MAPK8IP1: variants seen among roughly 807,000 people sequenced by gnomAD.
MAPK8IP1 encodes mitogen-activated protein kinase 8 interacting protein 1, also known as C-Jun-amino-terminal kinase-interacting protein 1.
In MAPK8IP1, 17 loss-of-function variants were observed where a neutral mutation model predicts 72.6. The observed-to-expected ratio is 0.23, with a 90% confidence interval of 0.16 to 0.35. MAPK8IP1 has a LOEUF of 0.35. MAPK8IP1 is among the 10% of genes least tolerant of loss of function. The probability of loss-of-function intolerance (pLI) is 1.00; values close to 1 mark genes in which losing one functional copy is unlikely to be tolerated. For missense variants in MAPK8IP1, 789 were observed against 1,009.7 expected (o/e 0.78, Z 2.96); for synonymous variants, 401 against 443.4 (o/e 0.90, Z 1.20).
chr11:45,903,214 G>C lies in MAPK8IP1; in HGVS notation c.1417+30G>C. On this transcript the variant is annotated intron_variant, in intron 5 of 11. Transcript: ENST00000241014. The surrounding 1 kb of genome is among the most constrained non-coding windows in gnomAD (Gnocchi z 6.4). ...GTCAGCAAGGGGAAGCAGTGGGGTG[G>C]GGGGGTCCCTAGCGGGGGCAGAGCC... 1 of 1,591,518 alleles carries C rather than the reference G, an allele frequency of 6.3e-7. No homozygotes were observed. Among genetic ancestry groups the C allele is most frequent in the Non-Finnish European group, 8.5e-7 (1 of 1,171,208 alleles).
chr11:45,888,292 G>A (rs938771071), intron 1 of MAPK8IP1, among the ~76,000 whole-genome samples: 10 of 152,198 alleles, frequency 6.6e-5, no homozygotes, highest in Non-Finnish European at 5.9e-5. Flanking sequence ...AGTGGTAAGC[G>A]CTGACATTTG....
In MAPK8IP1 at chr11:45,900,560, A is replaced by G; in HGVS notation, c.522+108A>G. ...GCACCCACGGGTCCAGTGCCTGGGG[A>G]CAGCGCCTGCATAGGGGCCGCGGTG... is the stretch of plus-strand genomic sequence containing the variant. On this transcript the variant is annotated intron_variant, in intron 3 of 11. Transcript: ENST00000241014. This position sits in a 1 kb window ranked among gnomAD's most constrained non-coding sequence, Gnocchi z 6.5. 7.6e-7 allele frequency: 1 copy of G among 1,318,400 alleles called. No homozygotes were observed. Among genetic ancestry groups the G allele is most frequent in the Non-Finnish European group, 1.0e-6 (1 of 976,310 alleles). The allele number at this position is 1,318,400 out of a possible 1,614,324, so 81.7% of individuals were successfully genotyped here.
intron 1 of MAPK8IP1, among the ~76,000 whole-genome samples, chr11:45,886,374 C>A (rs1019316359): frequency 6.6e-6 from 1 of 152,214 alleles, no homozygotes; most frequent in Non-Finnish European, 1.5e-5. Context: ...TGTTTGAGCC[C>A]CTCCCCGAGC....
chr11:45,885,936 C>A lies in MAPK8IP1; in HGVS notation c.101+15C>A. ...CCCAATTTCAGGTGAGAGTCCCCGG[C>A]CGCCGCGCGCCTCGCCCTTCAGCGG... On this transcript the variant is annotated intron_variant, in intron 1 of 11. Coordinates refer to ENST00000241014, the MANE Select transcript of MAPK8IP1 (RefSeq NM_005456.4). 1 of 1,456,514 alleles carries A rather than the reference C, an allele frequency of 6.9e-7. No individual in the cohort carries two copies. 90.2% of individuals were successfully genotyped at this position (1,456,514 alleles called of 1,614,324 possible).
At position 45,900,573 on chromosome 11, in the gene MAPK8IP1, A is replaced by C. The variant is rs1316926357; in HGVS notation, c.522+121A>C. 8.4e-7 allele frequency: 1 copy of C among 1,188,508 alleles called. No homozygotes were observed. The highest frequency in any genetic ancestry group is 2.9e-5 in the East Asian group (1 of 34,090). The allele number at this position is 1,188,508 out of a possible 1,614,324, so 73.6% of individuals were successfully genotyped here. On this transcript the variant is annotated intron_variant, in intron 3 of 11. Transcript: ENST00000241014. The surrounding 1 kb of genome is among the most constrained non-coding windows in gnomAD (Gnocchi z 6.5). Reference sequence around the variant, plus strand: ...CAGTGCCTGGGGACAGCGCCTGCATAGGGGCCGCGGTGGCTCGCTCCCGGT... The same window carrying C: ...CAGTGCCTGGGGACAGCGCCTGCATCGGGGCCGCGGTGGCTCGCTCCCGGT...
In MAPK8IP1 at chr11:45,902,223, A is replaced by T; in HGVS notation, c.605-149A>T. ...AGGGGCTGAGATCAGTGGTGGCATG[A>T]GTGAGTTGACTGGCCCCAGAGCCTG... On this transcript the variant is annotated intron_variant, in intron 4 of 11. Transcript: ENST00000241014. The surrounding 1 kb of genome is among the most constrained non-coding windows in gnomAD (Gnocchi z 9.3). 1 of 955,660 alleles carries T rather than the reference A, an allele frequency of 1.0e-6. No homozygotes were observed. The highest frequency in any genetic ancestry group is 1.7e-6 in the Non-Finnish European group (1 of 595,946). The allele number at this position is 955,660 out of a possible 1,614,324, so 59.2% of individuals were successfully genotyped here. A position where few individuals can be genotyped will look rare whatever the true frequency, so the allele number is the denominator to read the frequency against.
chr11:45,900,514 G>A lies in MAPK8IP1; in HGVS notation c.522+62G>A. ...CCGCGGAGATGTGAGGGGGAGCGCA[G>A]AGGGGCTGCAGCGGGAAGGGGCACC... On this transcript the variant is annotated intron_variant, in intron 3 of 11. Transcript: ENST00000241014. The surrounding 1 kb of genome is among the most constrained non-coding windows in gnomAD (Gnocchi z 6.5). 2 of 1,512,262 alleles carry A rather than the reference G, an allele frequency of 1.3e-6. No homozygotes were observed. The highest frequency in any genetic ancestry group is 2.4e-5 in the South Asian group (2 of 82,190). 93.7% of individuals were successfully genotyped at this position (1,512,262 alleles called of 1,614,324 possible).
At chr11:45,888,390 G>A (rs781503096) in intron 1 of MAPK8IP1, among the ~76,000 whole-genome samples, 38 of 152,192 alleles carry the variant, frequency 2.5e-4, no homozygotes, top group African/African-American at 8.2e-4. Flanking sequence ...TCAACAGAGC[G>A]TTGTTATTAT....
rs138879867 is a variant in MAPK8IP1, at chr11:45,904,149, G to A, written c.1654G>A (p.Glu552Lys). The A allele has an allele frequency of 2.3e-5, 37 of 1,613,806 alleles. 1 individual carries two copies. The highest frequency in any genetic ancestry group is 6.6e-5 in the South Asian group (6 of 91,068). ...CGCCATCGAGGTCACCAAGGAGCCC[G>A]AGCACATGGCAGGTAGTGTTCCCTC... is the stretch of plus-strand genomic sequence containing the variant. Reference protein sequence around the residue: ...YYAIEVTKEPEHMAALAKNSD... With the variant: ...YYAIEVTKEPKHMAALAKNSD... Residue 552 changes from glutamate to lysine, a missense_variant, in exon 7 of 12, where the codon GAG (glutamate) becomes AAG (lysine). Physicochemically the swap from Glu to Lys is moderately conservative, Grantham distance 56. Transcript: ENST00000241014. The surrounding 1 kb of genome is among the most constrained non-coding windows in gnomAD (Gnocchi z 6.4).
intron 1 of MAPK8IP1, among the ~76,000 whole-genome samples, chr11:45,893,375 G>T (rs564780582): frequency 6.6e-6 from 1 of 152,288 alleles, no homozygotes; most frequent in South Asian, 2.1e-4. Context: ...TGCAGCTCAG[G>T]GTGGGGTGGG....
In MAPK8IP1 at chr11:45,902,154, A is replaced by G. The variant is rs1241761413; in HGVS notation, c.604+93A>G. ...AAACCCTACAGTCTCCAAAGGGCTG[A>G]GTAGAGGTGAACTGCCCACCCACAT... is the stretch of plus-strand genomic sequence containing the variant. On this transcript the variant is annotated intron_variant, in intron 4 of 11. Coordinates refer to ENST00000241014, the MANE Select transcript of MAPK8IP1 (RefSeq NM_005456.4). The surrounding 1 kb of genome is among the most constrained non-coding windows in gnomAD (Gnocchi z 9.3). The G allele has an allele frequency of 8.2e-7, 1 of 1,218,910 alleles. No individual in the cohort carries two copies. The highest frequency in any genetic ancestry group is 1.2e-6 in the Non-Finnish European group (1 of 819,962). The allele number at this position is 1,218,910 out of a possible 1,614,324, so 75.5% of individuals were successfully genotyped here.
At chr11:45,891,139 G>A (rs1267740493) in intron 1 of MAPK8IP1, among the ~76,000 whole-genome samples, 2 of 152,230 alleles carry the variant, frequency 1.3e-5, no homozygotes, top group Non-Finnish European at 2.9e-5. Context: ...GCTCGCTGAT[G>A]GCAGAGCTTT....
chr11:45,902,982 C>T lies in MAPK8IP1; in HGVS notation c.1215C>T (p.Asp405=), dbSNP rs774288159. ...SLRPCFGDYS[D]ESDSATVYDN... ...GGCCGTGCTTCGGAGACTACAGTGA[C>T]GAGAGTGACTCTGCCACCGTCTATG... Residue 405 remains aspartate, a synonymous_variant, in exon 5 of 12, where the codon GAC becomes GAT. Transcript: ENST00000241014. The surrounding 1 kb of genome is among the most constrained non-coding windows in gnomAD (Gnocchi z 9.3). 5.0e-6 allele frequency: 8 copies of T among 1,611,786 alleles called. No homozygotes were observed. The highest frequency in any genetic ancestry group is 2.2e-5 in the East Asian group (1 of 44,888).
rs536938238 is a variant in MAPK8IP1 at position 45,898,900 on chromosome 11, G to A, written c.207+710G>A. On this transcript the variant is annotated intron_variant, in intron 2 of 11. Transcript: ENST00000241014. ...CTTTTCAGAACAGGAAGAAGGGGCC[G>A]GCTTGCCAGGAAATGGAGGACAGAG... is the stretch of plus-strand genomic sequence containing the variant. Among the ~76,000 whole-genome samples the A allele has an allele frequency of 5.9e-5, 9 of 152,308 alleles. No individual in the cohort carries two copies. The Middle Eastern group carries it at 0.02, about 345-fold the overall frequency.
rs187832916 is a variant in MAPK8IP1 at position 45,890,643 on chromosome 11, T to C, written c.101+4722T>C. On this transcript the variant is annotated intron_variant, in intron 1 of 11. Transcript: ENST00000241014. ...AGCCTGCTTGGTGAGGGATACAGAA[T>C]AGGGAGTGGGGAGGCAGGAGTCTAG... is the stretch of plus-strand genomic sequence containing the variant. Among the ~76,000 whole-genome samples, 132 of 151,732 alleles carry C rather than the reference T, an allele frequency of 8.7e-4. 1 individual carries two copies. Among genetic ancestry groups the C allele is most frequent in the Non-Finnish European group, 2.7e-4 (18 of 67,860 alleles).
intron 1 of MAPK8IP1, 139 bp downstream of exon 1, chr11:45,886,060 CAG>C (rs2086524872): frequency 2.1e-6 from 1 of 477,738 alleles, no homozygotes; most frequent in African/African-American, 2.0e-5. Context: ...CTTCCCGGGA[CAG>C]AGCCCCCCTC....
intron 3 of MAPK8IP1, among the ~76,000 whole-genome samples, chr11:45,901,035 G>A (rs1178308889): frequency 6.6e-6 from 1 of 152,164 alleles, no homozygotes; most frequent in Non-Finnish European, 1.5e-5. Context: ...GAGGGTGGCT[G>A]GATGCCAAGG....
chr11:45,885,987 C>T lies in MAPK8IP1; in HGVS notation c.101+66C>T, dbSNP rs930847794. The T allele has an allele frequency of 5.5e-5, 47 of 859,910 alleles. 1 individual carries two copies. In the South Asian group the frequency reaches 1.0e-3, roughly 18 times the overall value. The allele number at this position is 859,910 out of a possible 1,614,324, so 53.3% of individuals were successfully genotyped here. On this transcript the variant is annotated intron_variant, in intron 1 of 11. Coordinates refer to ENST00000241014, the MANE Select transcript of MAPK8IP1 (RefSeq NM_005456.4). ...GGACTGATCCGCATTGGCTGCCCTG[C>T]CCGCCCCCCACCCCAGAACCTCGGG... is the stretch of plus-strand genomic sequence containing the variant.
Position 45,900,368 on chromosome 11 carries a change from G to T in MAPK8IP1, c.438G>T (p.Gln146His). ...ASRGQGQSQG[Q>H]SQGPGSGDTY... The stretch of plus-strand genomic sequence containing the variant: ...GCGGCCAGGGCCAGAGCCAAGGCCA[G>T]AGCCAGGGCCCGGGCAGCGGGGACA... Residue 146 changes from glutamine to histidine, a missense_variant, in exon 3 of 12, where the codon CAG becomes CAT. Gln to His is a conservative substitution (Grantham distance 24, BLOSUM62 0). Transcript: ENST00000241014. The surrounding 1 kb of genome is among the most constrained non-coding windows in gnomAD (Gnocchi z 6.5). 1 of 1,521,020 alleles carries T rather than the reference G, an allele frequency of 6.6e-7. No homozygotes were observed. Among genetic ancestry groups the T allele is most frequent in the Non-Finnish European group, 8.8e-7 (1 of 1,140,986 alleles). The allele number at this position is 1,521,020 out of a possible 1,614,324, so 94.2% of individuals were successfully genotyped here.
Sources: allele counts gnomAD v4.1 joint callset (sites outside exome capture counted in the v4.1 genomes callset), GRCh38; gene constraint gnomAD v4.1.1; non-coding constraint Gnocchi (gnomAD v3.1); transcripts MANE v1.5; gene names NCBI Gene and HGNC (gene_info 2026-07-23, HGNC 2026-07-21).